Variants in STT3B observed in about 807,000 individuals in gnomAD.
STT3B encodes the protein STT3 oligosaccharyltransferase complex catalytic subunit B, also known as dolichyl-diphosphooligosaccharide--protein glycosyltransferase subunit STT3B.
A neutral mutation model predicts 96.8 loss-of-function variants in STT3B; 29 were observed. The ratio of observed to expected loss-of-function variants is 0.30; its 90% CI spans 0.22 to 0.41. STT3B has a LOEUF of 0.41. Ranked by LOEUF, STT3B falls within the 10% of genes least tolerant of loss-of-function variation. The pLI is 1.00. For missense variants in STT3B, 640 were observed against 1,022.3 expected (o/e 0.63, Z 5.10); for synonymous variants, 367 against 360.0 (o/e 1.02, Z -0.22).
chr3:31,550,035 AT>A (rs1236008908), intron 1 of STT3B, among the ~76,000 whole-genome samples: 3 of 151,362 alleles, frequency 2.0e-5, no homozygotes, highest in African/African-American at 4.8e-5. Context: ...TTTTGTTGTA[AT>A]TTTTTTTGTT....
At chr3:31,583,770 C>A (rs1698469545) in intron 3 of STT3B, among the ~76,000 whole-genome samples, 1 of 151,230 alleles carries the variant, frequency 6.6e-6, no homozygotes, top group South Asian at 2.1e-4. Flanking sequence ...TGCCTTATAG[C>A]TTTTTTTTTG....
intron 5 of STT3B, among the ~76,000 whole-genome samples, chr3:31,607,761 G>GTT (rs1553606858): frequency 0.74 from 109,278 of 147,582 alleles, 40,593 homozygotes; most frequent in Admixed American, 0.83. Flanking sequence ...GGGTTGTTGT[G>GTT]GTTGTTGTTG....
intron 1 of STT3B, among the ~76,000 whole-genome samples, chr3:31,542,055 T>C (rs1697287803): frequency 6.6e-6 from 1 of 152,230 alleles, no homozygotes; most frequent in Non-Finnish European, 1.5e-5. Flanking sequence ...CTAGAGTAAC[T>C]TTGACAACTT....
At chr3:31,563,183 G>A (rs1575415687) in intron 1 of STT3B, among the ~76,000 whole-genome samples, 1 of 151,836 alleles carries the variant, frequency 6.6e-6, no homozygotes, top group African/African-American at 2.4e-5. Context: ...TTTTTTACTC[G>A]CTATTGTGGT....
At chr3:31,561,330 G>T (rs545115687) in intron 1 of STT3B, among the ~76,000 whole-genome samples, 1 of 151,556 alleles carries the variant, frequency 6.6e-6, no homozygotes, top group African/African-American at 2.4e-5. Context: ...TATGGGATAC[G>T]TGAGATATTT....
intron 15 of STT3B, among the ~76,000 whole-genome samples, 159 bp from the exon 16 acceptor site, chr3:31,635,825 A>G (rs1699744948): frequency 1.3e-5 from 2 of 152,154 alleles, no homozygotes; most frequent in East Asian, 3.9e-4. Context: ...AACACCACTA[A>G]CAGTTTAGTG....
intron 3 of STT3B, among the ~76,000 whole-genome samples, chr3:31,585,307 G>A (rs1227506259): frequency 6.6e-6 from 1 of 152,004 alleles, no homozygotes; most frequent in Admixed American, 6.6e-5. Flanking sequence ...TTCCAGCTCT[G>A]TCACTGGAGG....
intron 6 of STT3B, among the ~76,000 whole-genome samples, chr3:31,616,221 T>A (rs2125472426): frequency 6.6e-6 from 1 of 152,002 alleles, no homozygotes; most frequent in East Asian, 1.9e-4. Context: ...GCCTATTTGT[T>A]CATATTCTTC....
intron 1 of STT3B, among the ~76,000 whole-genome samples, chr3:31,556,211 T>C (rs1330563857): frequency 1.3e-5 from 2 of 152,110 alleles, no homozygotes; most frequent in Admixed American, 6.6e-5. Context: ...GTTCCATCCA[T>C]GTTGCTGCAG....
At chr3:31,612,343 C>T (rs1575440808) in intron 5 of STT3B, among the ~76,000 whole-genome samples, 1 of 152,172 alleles carries the variant, frequency 6.6e-6, no homozygotes, top group African/African-American at 2.4e-5. Context: ...GTCCAGTTCT[C>T]TTAAAAGTAA....
At chr3:31,609,990 A>G (rs1034823093) in intron 5 of STT3B, among the ~76,000 whole-genome samples, 1 of 152,242 alleles carries the variant, frequency 6.6e-6, no homozygotes, top group African/African-American at 2.4e-5. Context: ...TTCATTCTCA[A>G]CATAGTTTAT....
intron 3 of STT3B, among the ~76,000 whole-genome samples, chr3:31,596,109 T>C (rs188474680): frequency 2.0e-5 from 3 of 152,360 alleles, no homozygotes; most frequent in Admixed American, 6.5e-5. Context: ...CTGAAAAATA[T>C]GTTTCATTTA....
intron 1 of STT3B, among the ~76,000 whole-genome samples, chr3:31,550,433 TC>T (rs1413262906): frequency 6.6e-6 from 1 of 152,188 alleles, no homozygotes; most frequent in Non-Finnish European, 1.5e-5. Flanking sequence ...TGACCACCCA[TC>T]AGTTGCAAGA....
At chr3:31,633,658 T>C (rs1699706067) in intron 15 of STT3B, among the ~76,000 whole-genome samples, 1 of 152,156 alleles carries the variant, frequency 6.6e-6, no homozygotes, top group South Asian at 2.1e-4. Flanking sequence ...GCAGGAATTA[T>C]GAGACTACTG....
Position 31,534,790 on chromosome 3 carries a change from G to T in STT3B, c.314+1478G>T, listed in dbSNP as rs373198998. 2.4e-4 allele frequency among the ~76,000 whole-genome samples: 37 copies of T among 152,176 alleles called. 3 individuals carry two copies. Among genetic ancestry groups the T allele is most frequent in the East Asian group, 2.1e-3 (11 of 5,184 alleles). On this transcript the variant is annotated intron_variant, in intron 1 of 15. Coordinates refer to ENST00000295770, the MANE Select transcript of STT3B (RefSeq NM_178862.3). Reference sequence around the variant, plus strand: ...GTTTTCATTCCATTTTAGAAGTTTTGATTTTGTTTTCTAACACTAGTTTTT... The same window carrying T: ...GTTTTCATTCCATTTTAGAAGTTTTTATTTTGTTTTCTAACACTAGTTTTT...
At chr3:31,590,891 C>G (rs1288564386) in intron 3 of STT3B, among the ~76,000 whole-genome samples, 1 of 152,002 alleles carries the variant, frequency 6.6e-6, no homozygotes, top group Non-Finnish European at 1.5e-5. Context: ...ATTGCTGGAT[C>G]CTGGTCAAGC....
intron 1 of STT3B, among the ~76,000 whole-genome samples, chr3:31,539,910 A>G (rs1697220721): frequency 6.6e-6 from 1 of 152,176 alleles, no homozygotes; most frequent in Non-Finnish European, 1.5e-5. Context: ...CTGAACTTTC[A>G]GAGTAGACTC....
intron 1 of STT3B, among the ~76,000 whole-genome samples, chr3:31,568,479 G>A (rs1231056226): frequency 6.6e-6 from 1 of 152,118 alleles, no homozygotes; most frequent in Non-Finnish European, 1.5e-5. Context: ...TCCACCAACA[G>A]TATAGGACTG....
chr3:31,556,690 G>A (rs1013135768), intron 1 of STT3B, among the ~76,000 whole-genome samples: 2 of 152,168 alleles, frequency 1.3e-5, no homozygotes, highest in Non-Finnish European at 2.9e-5. Flanking sequence ...CCATTTGTAT[G>A]TCTTCTTTTG....
Sources: gnomAD v4.1 joint callset for allele counts (sites outside exome capture counted in the v4.1 genomes callset) on GRCh38, gnomAD v4.1.1 for gene constraint, MANE v1.5 for transcripts, NCBI Gene and HGNC (gene_info 2026-07-23, HGNC 2026-07-21) for gene names.